The following MAD1L1 variants were observed in gnomAD, a reference collection of about 807,000 sequenced individuals.
MAD1L1 encodes the protein mitotic spindle assembly checkpoint protein MAD1.
A neutral mutation model predicts 96.9 loss-of-function variants in MAD1L1; 95 were observed. The observed-to-expected ratio is 0.98, with a 90% CI of 0.83 to 1.16. MAD1L1 has a LOEUF of 1.16. MAD1L1 is among the 50% of genes most tolerant of loss of function. MAD1L1 has a pLI of 0.00. For missense variants in MAD1L1, 1,007 were observed against 954.4 expected, an observed-to-expected ratio of 1.06 and a Z score of -0.73; for synonymous variants, 473 against 396.6, an observed-to-expected ratio of 1.19 and a Z score of -2.29.
At chr7:1,866,829 C>T (rs889908909) in intron 18 of MAD1L1, among the ~76,000 whole-genome samples, 1 of 152,220 alleles carries the variant, frequency 6.6e-6, no homozygotes, top group African/African-American at 2.4e-5. Context: ...ACATAGGGCC[C>T]GGTGAGGGCC....
intron 17 of MAD1L1, among the ~76,000 whole-genome samples, chr7:1,916,550 C>G (rs1002648365): frequency 1.3e-5 from 2 of 152,186 alleles, no homozygotes; most frequent in African/African-American, 4.8e-5. Context: ...CGGGGACACA[C>G]GCCCAGCAGA....
intron 12 of MAD1L1, among the ~76,000 whole-genome samples, chr7:2,023,415 C>T (rs1782869015): frequency 1.3e-5 from 2 of 152,150 alleles, no homozygotes; most frequent in Non-Finnish European, 2.9e-5. Flanking sequence ...GGAGACTAAA[C>T]AATCCACTTG....
intron 11 of MAD1L1, among the ~76,000 whole-genome samples, chr7:2,078,313 T>C (rs1286081410): frequency 6.6e-6 from 1 of 152,170 alleles, no homozygotes; most frequent in Non-Finnish European, 1.5e-5. Context: ...TCCATCCACC[T>C]CTGGCCTTCT....
At chr7:2,039,865 A>G (rs1255027754) in intron 12 of MAD1L1, among the ~76,000 whole-genome samples, 1 of 152,064 alleles carries the variant, frequency 6.6e-6, no homozygotes, top group Non-Finnish European at 1.5e-5. Flanking sequence ...TTTAATCTTG[A>G]TGGAGTCCAA....
intron 12 of MAD1L1, among the ~76,000 whole-genome samples, chr7:2,054,730 G>A (rs1784317367): frequency 6.6e-6 from 1 of 152,202 alleles, no homozygotes; most frequent in African/African-American, 2.4e-5. Context: ...CTGGAAGCCG[G>A]GCTGGCCAGC....
intron 16 of MAD1L1, among the ~76,000 whole-genome samples, chr7:1,951,804 C>T (rs1779509442): frequency 6.6e-6 from 1 of 152,116 alleles, no homozygotes; most frequent in African/African-American, 2.4e-5. Context: ...CATGCTCCAC[C>T]GTATGGAAGG....
intron 12 of MAD1L1, among the ~76,000 whole-genome samples, chr7:2,054,049 C>T (rs1485070883): frequency 2.0e-5 from 3 of 152,220 alleles, no homozygotes; most frequent in Non-Finnish European, 2.9e-5. Flanking sequence ...AGACAGGGCA[C>T]TCCCACCAGG....
chr7:2,078,397 G>A (rs560028005), intron 11 of MAD1L1, among the ~76,000 whole-genome samples: 13 of 152,216 alleles, frequency 8.5e-5, no homozygotes, highest in Non-Finnish European at 1.8e-4. Flanking sequence ...GATCAGACGC[G>A]TGCGTCCGTC....
At chr7:2,020,675 T>A (rs1782749351) in intron 12 of MAD1L1, among the ~76,000 whole-genome samples, 2 of 151,892 alleles carry the variant, frequency 1.3e-5, no homozygotes, top group African/African-American at 4.8e-5. Context: ...AAGGAAAACA[T>A]CGGACGGACT....
At chr7:1,941,955 G>A (rs756455396) in intron 16 of MAD1L1, among the ~76,000 whole-genome samples, 31 of 152,156 alleles carry the variant, frequency 2.0e-4, no homozygotes, top group Non-Finnish European at 1.8e-4. Flanking sequence ...CCTGCCTAAC[G>A]CCTGGAGAAG....
chr7:2,187,604 A>C (rs1360352191), intron 10 of MAD1L1, among the ~76,000 whole-genome samples: 1 of 152,160 alleles, frequency 6.6e-6, no homozygotes, highest in Admixed American at 6.5e-5. Flanking sequence ...GAGCAGCTGG[A>C]ACTACAGGAG....
intron 10 of MAD1L1, among the ~76,000 whole-genome samples, chr7:2,170,736 G>A (rs551592005): frequency 7.2e-5 from 11 of 152,294 alleles, no homozygotes; most frequent in Admixed American, 4.6e-4. Flanking sequence ...GCGGCAGTGG[G>A]GATGGGCTGG....
rs147633044 is a variant in MAD1L1, at chr7:2,074,891, G to A, written c.1074-5553C>T. 4.2e-3 allele frequency among the ~76,000 whole-genome samples: 643 copies of A among 152,318 alleles called. 6 individuals carry two copies. The highest frequency in any genetic ancestry group is 0.015 in the African/African-American group (610 of 41,590). On this transcript the variant is annotated intron_variant, in intron 11 of 18. Coordinates refer to ENST00000265854, the MANE Select transcript of MAD1L1 (RefSeq NM_001013836.2). Reference sequence around the variant, plus strand: ...ACAGCCTGTGGTGTCAGAGACAGGCGGTGTCAGAGCCGGGGACGCTTCCAA... The same window carrying A: ...ACAGCCTGTGGTGTCAGAGACAGGCAGTGTCAGAGCCGGGGACGCTTCCAA...
chr7:2,089,877 C>A (rs1786119713), intron 11 of MAD1L1, among the ~76,000 whole-genome samples: 1 of 152,196 alleles, frequency 6.6e-6, no homozygotes, highest in South Asian at 2.1e-4. Flanking sequence ...GGCTAACACA[C>A]ACCTGCCATG....
At chr7:1,977,186 G>T (rs1368593236) in intron 15 of MAD1L1, among the ~76,000 whole-genome samples, 1 of 152,256 alleles carries the variant, frequency 6.6e-6, no homozygotes, top group African/African-American at 2.4e-5. Flanking sequence ...GGGAGGCTGG[G>T]CTGCGTGGGA....
rs949579080 is a variant in MAD1L1, at chr7:2,114,456, T to C, written c.1073+34696A>G. Among the ~76,000 whole-genome samples the C allele has an allele frequency of 2.0e-5, 3 of 152,176 alleles. No homozygotes were observed. Among genetic ancestry groups the C allele is most frequent in the Admixed American group, 2.0e-4 (3 of 15,284 alleles). Reference sequence around the variant, plus strand: ...AAAGTGTATGGTCCTAGGGCATCTTTCCTGAAAGAGACAATTGCGAGAAAT... The same window carrying C: ...AAAGTGTATGGTCCTAGGGCATCTTCCCTGAAAGAGACAATTGCGAGAAAT... On this transcript the variant is annotated intron_variant, in intron 11 of 18. Coordinates refer to ENST00000265854, the MANE Select transcript of MAD1L1 (RefSeq NM_001013836.2). This position sits in a 1 kb window ranked among gnomAD's most constrained non-coding sequence, Gnocchi z 4.2.
At chr7:1,952,359 C>T (rs779305849) in intron 16 of MAD1L1, among the ~76,000 whole-genome samples, 2 of 152,208 alleles carry the variant, frequency 1.3e-5, no homozygotes, top group Admixed American at 1.3e-4. Flanking sequence ...TGTCCTTCCA[C>T]GAGCCACGGG....
intron 11 of MAD1L1, among the ~76,000 whole-genome samples, chr7:2,129,681 C>T (rs1196985119): frequency 6.6e-6 from 1 of 152,228 alleles, no homozygotes; most frequent in African/African-American, 2.4e-5. Flanking sequence ...CACAGCTGGA[C>T]ACGCAGGCTC....
chr7:1,887,785 ATGTG>A (rs1786187584), intron 18 of MAD1L1, among the ~76,000 whole-genome samples: 2 of 113,794 alleles, frequency 1.8e-5, no homozygotes, highest in African/African-American at 6.9e-5. Flanking sequence ...GTGTGTGTGC[ATGTG>A]TGCATGTATG....
Sources: allele counts gnomAD v4.1 joint callset (sites outside exome capture counted in the v4.1 genomes callset), GRCh38; gene constraint gnomAD v4.1.1; non-coding constraint Gnocchi (gnomAD v3.1); transcripts MANE v1.5; gene names NCBI Gene and HGNC (gene_info 2026-07-23, HGNC 2026-07-21).